The following DMBX1 variants were observed in gnomAD, a reference collection of about 807,000 sequenced individuals.
DMBX1 encodes diencephalon/mesencephalon homeobox 1, also known as diencephalon/mesencephalon homeobox protein 1.
In DMBX1, 7 loss-of-function variants were observed where a neutral mutation model predicts 30.4. The ratio of observed to expected loss-of-function variants is 0.23; its 90% CI spans 0.13 to 0.43. DMBX1 has a LOEUF of 0.43. Ranked by LOEUF, DMBX1 falls within the 20% of genes least tolerant of loss-of-function variation. The probability of loss-of-function intolerance (pLI) is 1.00; values close to 1 mark genes in which losing one functional copy is unlikely to be tolerated. For missense variants in DMBX1, 460 were observed against 508.5 expected (o/e 0.90, Z 0.92); for synonymous variants, 222 against 214.2 (o/e 1.04, Z -0.32).
Position 46,516,078 on chromosome 1 carries a change from C to T in DMBX1, c.*3584C>T, listed in dbSNP as rs1320665812. On this transcript the variant is annotated 3_prime_UTR_variant, in exon 6 of 6. Coordinates refer to ENST00000360032, the MANE Select transcript of DMBX1 (RefSeq NM_172225.2). ...GGAAAAAAACAAGACTTAATTCACC[C>T]CTGCCTGTCCCCTCGCCTGCCCCCT... Among the ~76,000 whole-genome samples, 2 of 152,216 alleles carry T rather than the reference C, an allele frequency of 1.3e-5. No individual in the cohort carries two copies. Among genetic ancestry groups the T allele is most frequent in the African/African-American group, 4.8e-5 (2 of 41,448 alleles).
Position 46,510,595 on chromosome 1 carries a change from G to A in DMBX1, c.274G>A (p.Asp92Asn), listed in dbSNP as rs1569897467. 2 of 1,614,052 alleles carry A rather than the reference G, an allele frequency of 1.2e-6. No homozygotes were observed. The highest frequency in any genetic ancestry group is 3.3e-5 in the Admixed American group (2 of 60,000). Residue 92 changes from aspartate to asparagine, a missense_variant, in exon 4 of 6, where the codon GAT becomes AAT. By Grantham distance (23) the Asp-to-Asn change is conservative. Coordinates refer to ENST00000360032, the MANE Select transcript of DMBX1 (RefSeq NM_172225.2). The surrounding 1 kb of genome is among the most constrained non-coding windows in gnomAD (Gnocchi z 4.1). The part of the protein sequence containing the change: ...EKTFQKTHYP[D>N]VVMRERLAMC... ...GACCTTCCAGAAGACTCACTACCCA[G>A]ATGTGGTGATGCGTGAGAGGCTGGC...
rs1666452817 is a variant in DMBX1, at chr1:46,514,504, G to GGTCC, written c.*2011_*2014dup. Among the ~76,000 whole-genome samples the GGTCC allele has an allele frequency of 2.0e-5, 3 of 152,160 alleles. No individual in the cohort carries two copies. Among genetic ancestry groups the GGTCC allele is most frequent in the African/African-American group, 7.2e-5 (3 of 41,444 alleles). ...CCTCAGTTTCCCCATAGGCATAATG[G>GGTCC]GTCCCTTCTAGTTCAGGCAATCTGG... On this transcript the variant is annotated 3_prime_UTR_variant, in exon 6 of 6. Transcript: ENST00000360032.
intron 2 of DMBX1, among the ~76,000 whole-genome samples, chr1:46,503,981 T>C (rs552726322): frequency 2.5e-4 from 38 of 152,378 alleles, no homozygotes; most frequent in African/African-American, 9.1e-4. Context: ...ATGTCTTCTC[T>C]GATGAATGGA....
rs1048661908 is a variant in DMBX1 at position 46,512,646 on chromosome 1, C to G, written c.*152C>G. The G allele has an allele frequency of 2.4e-6, 2 of 835,166 alleles. No homozygotes were observed. Among genetic ancestry groups the G allele is most frequent in the African/African-American group, 3.4e-5 (2 of 58,218 alleles). 51.7% of individuals were successfully genotyped at this position (835,166 alleles called of 1,614,324 possible). A position where few individuals can be genotyped will look rare whatever the true frequency, so the allele number is the denominator to read the frequency against. On this transcript the variant is annotated 3_prime_UTR_variant, in exon 6 of 6. Transcript: ENST00000360032. This position sits in a 1 kb window ranked among gnomAD's most constrained non-coding sequence, Gnocchi z 4.8. ...TGCTCCGCTTCCCCATACCCCAGCC[C>G]GAGGTGAAGCCCACACCTACACACC...
At chr1:46,509,050 C>G (rs1371672890) in intron 3 of DMBX1, among the ~76,000 whole-genome samples, 1 of 152,022 alleles carries the variant, frequency 6.6e-6, no homozygotes, top group African/African-American at 2.4e-5. Flanking sequence ...TTCCTGGATA[C>G]CCAGTTGCCT....
chr1:46,499,123 G>A (rs1482619588), intron 2 of DMBX1, among the ~76,000 whole-genome samples: 3 of 150,816 alleles, frequency 2.0e-5, no homozygotes, highest in East Asian at 3.9e-4. Context: ...TGCAACCTCC[G>A]CCTCCCCGGT....
rs1201279012 is a variant in DMBX1 at position 46,512,155 on chromosome 1, C to T, written c.795C>T (p.Phe265=). ...PLSLFRLQEQ[F]RQHMAATNNL... is the part of the protein sequence containing the mutation. ...GCCTCTTCCGTCTGCAGGAGCAATT[C>T]CGCCAGCACATGGCGGCCACCAACA... is the stretch of plus-strand genomic sequence containing the variant. The change falls in exon 6 of 6, where the codon TTC becomes TTT. Residue 265 remains phenylalanine (F), a synonymous_variant. Transcript: ENST00000360032. The surrounding 1 kb of genome is among the most constrained non-coding windows in gnomAD (Gnocchi z 4.8). 1 of 1,614,082 alleles carries T rather than the reference C, an allele frequency of 6.2e-7. No homozygotes were observed. Among genetic ancestry groups the T allele is most frequent in the East Asian group, 2.2e-5 (1 of 44,874 alleles).
intron 2 of DMBX1, among the ~76,000 whole-genome samples, chr1:46,503,680 G>A (rs1666178592): frequency 6.6e-6 from 1 of 152,232 alleles, no homozygotes; most frequent in Non-Finnish European, 1.5e-5. Context: ...GCAACTGTGT[G>A]TGTTTGTGTG....
rs11577623 is a variant in DMBX1 at position 46,491,997 on chromosome 1, G to T, written c.-13+1214G>T. 6.6e-6 allele frequency among the ~76,000 whole-genome samples: 1 copy of T among 152,192 alleles called. No individual in the cohort carries two copies. The highest frequency in any genetic ancestry group is 2.4e-5 in the African/African-American group (1 of 41,434). On this transcript the variant is annotated intron_variant, in intron 2 of 5. Transcript: ENST00000360032. The surrounding 1 kb of genome is among the most constrained non-coding windows in gnomAD (Gnocchi z 5.5). ...AGACACACTTTTGGGAAAAGAAGCA[G>T]GGCATTGCTACTCAGGAGGGGGGTA...
rs1208633458 is a variant in DMBX1, at chr1:46,510,572, C to A, written c.251C>A (p.Thr84Asn). ...TAQQLEALEK[T>N]FQKTHYPDVV... ...CAGCAGCTCGAGGCCCTGGAAAAGA[C>A]CTTCCAGAAGACTCACTACCCAGAT... Residue 84 changes from threonine to asparagine, a missense_variant, in exon 4 of 6, where the codon ACC becomes AAC. Transcript: ENST00000360032. This position sits in a 1 kb window ranked among gnomAD's most constrained non-coding sequence, Gnocchi z 4.1. The A allele has an allele frequency of 4.3e-6, 7 of 1,614,180 alleles. No homozygotes were observed. In the South Asian group the frequency reaches 4.4e-5, roughly 10 times the overall value.
At chr1:46,503,971 A>T (rs1569889285) in intron 2 of DMBX1, among the ~76,000 whole-genome samples, 1 of 152,180 alleles carries the variant, frequency 6.6e-6, no homozygotes, top group African/African-American at 2.4e-5. Flanking sequence ...AGTAGGATGG[A>T]TGTCTTCTCT....
rs373572414 is a variant in DMBX1, at chr1:46,508,729, C to T, written c.154+1565C>T. ...AGGAAGGACATGAACTCCAAGTGAG[C>T]CTTTGTATGGAGGCCTTGCCTTCCA... On this transcript the variant is annotated intron_variant, in intron 3 of 5. Transcript: ENST00000360032. Among the ~76,000 whole-genome samples, 35 of 152,296 alleles carry T rather than the reference C, an allele frequency of 2.3e-4. 4 individuals carry two copies. The highest frequency in any genetic ancestry group is 8.4e-4 in the African/African-American group (35 of 41,562).
Position 46,491,498 on chromosome 1 carries a change from G to A in DMBX1, c.-13+715G>A, listed in dbSNP as rs1355742324. Among the ~76,000 whole-genome samples the A allele has an allele frequency of 1.3e-5, 2 of 152,218 alleles. No homozygotes were observed. The highest frequency in any genetic ancestry group is 1.3e-4 in the Admixed American group (2 of 15,280). ...CCAGTTTGAGGGCGTTGGGGAAAGA[G>A]GAGGGCTTTATTGACTTGATGGACC... On this transcript the variant is annotated intron_variant, in intron 2 of 5. Transcript: ENST00000360032. The surrounding 1 kb of genome is among the most constrained non-coding windows in gnomAD (Gnocchi z 5.5).
At chr1:46,505,647 G>T (rs1666219722) in intron 2 of DMBX1, among the ~76,000 whole-genome samples, 1 of 151,886 alleles carries the variant, frequency 6.6e-6, no homozygotes, top group Admixed American at 6.6e-5. Context: ...TATACCTAAT[G>T]CTAGATGACG....
rs758938958 is a variant in DMBX1 at position 46,512,530 on chromosome 1, G to A, written c.*36G>A. The A allele has an allele frequency of 3.2e-6, 5 of 1,580,076 alleles. No individual in the cohort carries two copies. Among genetic ancestry groups the A allele is most frequent in the Non-Finnish European group, 4.3e-6 (5 of 1,161,716 alleles). ...TCCAACCCAGCCAGGGGTCTTAGGT[G>A]TCCCCTCCTAGCCCTGTGGTTATCC... is the stretch of plus-strand genomic sequence containing the variant. On this transcript the variant is annotated 3_prime_UTR_variant, in exon 6 of 6. Coordinates refer to ENST00000360032, the MANE Select transcript of DMBX1 (RefSeq NM_172225.2). This position sits in a 1 kb window ranked among gnomAD's most constrained non-coding sequence, Gnocchi z 4.8.
At chr1:46,507,578 T>C (rs1034048892) in intron 3 of DMBX1, among the ~76,000 whole-genome samples, 27 of 152,338 alleles carry the variant, frequency 1.8e-4, no homozygotes, top group Non-Finnish European at 3.5e-4. Flanking sequence ...TTCTATGTTC[T>C]GACACCAACT....
At chr1:46,501,310 T>C (rs1666134217) in intron 2 of DMBX1, among the ~76,000 whole-genome samples, 1 of 151,010 alleles carries the variant, frequency 6.6e-6, no homozygotes, top group African/African-American at 2.4e-5. Flanking sequence ...TTTCTTTCTT[T>C]CTCTCTGTTG....
rs1666337245 is a variant in DMBX1, at chr1:46,510,304, GC to G, written c.155-169del. 1.3e-5 allele frequency among the ~76,000 whole-genome samples: 2 copies of G among 152,178 alleles called. No individual in the cohort carries two copies. The highest frequency in any genetic ancestry group is 4.8e-5 in the African/African-American group (2 of 41,446). The stretch of plus-strand genomic sequence containing the variant: ...ATAATGGGGTGGAGAGACCTTGAAA[GC>G]CCACAGCCATATGGAGAGGGGATGG... On this transcript the variant is annotated intron_variant, in intron 3 of 5. Transcript: ENST00000360032. The surrounding 1 kb of genome is among the most constrained non-coding windows in gnomAD (Gnocchi z 4.1).
At chr1:46,494,726 C>T (rs913114093) in intron 2 of DMBX1, among the ~76,000 whole-genome samples, 3 of 152,170 alleles carry the variant, frequency 2.0e-5, no homozygotes, top group Non-Finnish European at 4.4e-5. Flanking sequence ...CCAATCTGAC[C>T]CTTGCAAAGC....
Sources: allele counts gnomAD v4.1 joint callset (sites outside exome capture counted in the v4.1 genomes callset), GRCh38; gene constraint gnomAD v4.1.1; non-coding constraint Gnocchi (gnomAD v3.1); transcripts MANE v1.5; gene names NCBI Gene and HGNC (gene_info 2026-07-23, HGNC 2026-07-21).